Variants in HIGD1B observed in about 807,000 individuals in gnomAD.
HIGD1B encodes HIG1 domain family member 1B.
HIGD1B carries 9 observed loss-of-function variants against 8.8 expected under a neutral mutation model. The ratio of observed to expected loss-of-function variants is 1.02; its 90% CI spans 0.62 to 1.78. The LOEUF is 1.78. Ranked by LOEUF, HIGD1B falls within the 40% of genes most tolerant of loss-of-function variation. The probability of loss-of-function intolerance (pLI) is 0.00; values close to 1 mark genes in which losing one functional copy is unlikely to be tolerated. For synonymous variants in HIGD1B, 47 were observed against 38.8 expected (o/e 1.21, Z -0.78); for missense variants, 126 against 111.8 (o/e 1.13, Z -0.57).
intron 2 of HIGD1B, 127 bp downstream of exon 2, chr17:44,849,515 A>G: frequency 5.4e-6 from 6 of 1,115,262 alleles, no homozygotes; most frequent in Non-Finnish European, 6.3e-6. Context: ...TAATCTCAAC[A>G]CTTTGGGAGG....
Position 44,850,345 on chromosome 17 carries a change from A to C in HIGD1B, c.249A>C (p.Thr83=). The C allele has an allele frequency of 1.2e-6, 2 of 1,612,858 alleles. No homozygotes were observed. Among genetic ancestry groups the C allele is most frequent in the Non-Finnish European group, 8.5e-7 (1 of 1,179,204 alleles). Residue 83 remains threonine, a synonymous_variant, in exon 3 of 3, where the codon ACA becomes ACC. Coordinates refer to ENST00000253410, the MANE Select transcript of HIGD1B (RefSeq NM_016438.4). The part of the protein sequence containing the change: ...VGAIMLGAVY[T]MYSDYVKRMA... ...TCTCTCACACAGGTGCTGTGTACAC[A>C]ATGTACAGCGATTACGTCAAGAGGA... is the stretch of plus-strand genomic sequence containing the variant.
At chr17:44,845,775 T>TAA (rs1250919010), upstream of HIGD1B, among the ~76,000 whole-genome samples, 1 of 151,042 alleles carries the variant, frequency 6.6e-6, no homozygotes, top group Non-Finnish European at 1.5e-5. Context: ...CTACTAAAAA[T>TAA]AAAAAAATTA....
intron 2 of HIGD1B, 36 bp downstream of exon 2, chr17:44,849,424 A>T: frequency 6.2e-7 from 1 of 1,612,434 alleles, no homozygotes. Context: ...ATGAGGGCAA[A>T]ACCGATTATG....
intron 1 of HIGD1B, among the ~76,000 whole-genome samples, 188 bp downstream of exon 1, chr17:44,848,440 G>A (rs1017695341): frequency 2.0e-5 from 3 of 152,232 alleles, no homozygotes; most frequent in Admixed American, 1.3e-4. Context: ...GATGGGTGGA[G>A]GTGGCAGCCA....
rs750977889 is a variant in HIGD1B at position 44,850,319 on chromosome 17, TTC to T, written c.236-8_236-7del. The T allele has an allele frequency of 9.3e-6, 15 of 1,608,970 alleles. No individual in the cohort carries two copies. Among genetic ancestry groups the T allele is most frequent in the Non-Finnish European group, 1.3e-5 (15 of 1,176,994 alleles). ...TTGATGCCAAGGGGCATTATTTCTT[TTC>T]TCTCACACAGGTGCTGTGTACACAA... On this transcript the variant is annotated splice_polypyrimidine_tract_variant and intron_variant, in intron 2 of 2. Coordinates refer to ENST00000253410, the MANE Select transcript of HIGD1B (RefSeq NM_016438.4).
At chr17:44,849,495 T>C (rs997154302) in intron 2 of HIGD1B, 107 bp downstream of exon 2, 52 of 1,313,852 alleles carry the variant, frequency 4.0e-5, no homozygotes, top group African/African-American at 8.7e-5. Flanking sequence ...GGCGCGGTGG[T>C]TCACGCCTGT....
At chr17:44,849,490 G>A (rs937486231) in intron 2 of HIGD1B, 102 bp downstream of exon 2, 7 of 1,377,026 alleles carry the variant, frequency 5.1e-6, no homozygotes, top group Admixed American at 4.0e-5. Context: ...GGCTGGGCGC[G>A]GTGGTTCACG....
chr17:44,850,216 G>A (rs1040992888), intron 2 of HIGD1B, 116 bp from the exon 3 acceptor site: 34 of 712,340 alleles, frequency 4.8e-5, no homozygotes, highest in Non-Finnish European at 7.5e-5. Flanking sequence ...AGAAAGATGA[G>A]CGGGAAGCTG....
chr17:44,850,400 T>C lies in HIGD1B; in HGVS notation c.*4T>C. 6.2e-7 allele frequency: 1 copy of C among 1,610,074 alleles called. No individual in the cohort carries two copies. The highest frequency in any genetic ancestry group is 8.5e-7 in the Non-Finnish European group (1 of 1,177,186). ...ACAGGATGCTGGAGAGAAGTAGGAC[T>C]CCTATAGGAGCCGGGGCTGTCCAAC... On this transcript the variant is annotated 3_prime_UTR_variant, in exon 3 of 3. Coordinates refer to ENST00000253410, the MANE Select transcript of HIGD1B (RefSeq NM_016438.4).
In HIGD1B at chr17:44,848,231, G is replaced by C. The variant is rs778054194; in HGVS notation, c.79G>C (p.Glu27Gln). 4.6e-6 allele frequency: 4 copies of C among 872,800 alleles called. No homozygotes were observed. In the East Asian group the frequency reaches 9.6e-5, roughly 21 times the overall value. The allele number at this position is 872,800 out of a possible 1,614,324, so 54.1% of individuals were successfully genotyped here. A position where few individuals can be genotyped will look rare whatever the true frequency, so the allele number is the denominator to read the frequency against. ...TGAGAAGCTCCTGAGGAAGACTCGG[G>C]AATCTCCACTGGTGCCTATAGGTAA... ...VSEKLLRKTR[E>Q]SPLVPIGLGG... The change falls in exon 1 of 3, where the codon GAA becomes CAA. Residue 27 changes from glutamate to glutamine, a missense_variant. Transcript: ENST00000253410.
intron 2 of HIGD1B, 114 bp from the exon 3 acceptor site, chr17:44,850,218 G>A (rs548785218): frequency 2.9e-4 from 205 of 717,934 alleles, no homozygotes; most frequent in East Asian, 7.5e-4. Flanking sequence ...AAAGATGAGC[G>A]GGAAGCTGGA....
chr17:44,848,354 G>A, intron 1 of HIGD1B, 102 bp downstream of exon 1: 1 of 703,978 alleles, frequency 1.4e-6, no homozygotes, highest in Admixed American at 2.3e-5. Flanking sequence ...AACTCAAGTG[G>A]TCCTACTCAC....
chr17:44,849,756 C>T (rs1156651394), intron 2 of HIGD1B, among the ~76,000 whole-genome samples: 1 of 94,704 alleles, frequency 1.1e-5, no homozygotes, highest in East Asian at 3.1e-4. Flanking sequence ...GAGACTCTGT[C>T]TCAAAAAAAA....
At chr17:44,849,122 A>AC (rs1391335401) in intron 1 of HIGD1B, 132 bp from the exon 2 acceptor site, 1 of 719,832 alleles carries the variant, frequency 1.4e-6, no homozygotes, top group East Asian at 4.0e-5. Flanking sequence ...CGCAACGCCC[A>AC]CCCCCCGCCA....
intron 1 of HIGD1B, 130 bp from the exon 2 acceptor site, chr17:44,849,124 C>G (rs2050374420): frequency 8.9e-7 from 1 of 1,120,600 alleles, no homozygotes; most frequent in African/African-American, 1.6e-5. Context: ...CAACGCCCAC[C>G]CCCCGCCACC....
At chr17:44,848,523 G>A (rs1330430054) in intron 1 of HIGD1B, among the ~76,000 whole-genome samples, 1 of 152,192 alleles carries the variant, frequency 6.6e-6, no homozygotes, top group African/African-American at 2.4e-5. Flanking sequence ...ACACCTTGGG[G>A]TCCCCCAGGG....
chr17:44,848,398 G>A, intron 1 of HIGD1B, 146 bp downstream of exon 1: 1 of 611,964 alleles, frequency 1.6e-6, no homozygotes. Context: ...GGTGCCAAGG[G>A]GCAAACCCTT....
intron 1 of HIGD1B, among the ~76,000 whole-genome samples, chr17:44,848,654 T>A (rs2050360352): frequency 1.9e-5 from 1 of 52,072 alleles, no homozygotes; most frequent in Non-Finnish European, 5.4e-5. Flanking sequence ...GTCGTGGTGA[T>A]CAGCTATTTG....
chr17:44,850,396 G>A lies in HIGD1B; in HGVS notation c.300G>A (p.Ter100=), dbSNP rs575205601. 5.6e-6 allele frequency: 9 copies of A among 1,611,298 alleles called. No homozygotes were observed. Among genetic ancestry groups the A allele is most frequent in the Non-Finnish European group, 7.6e-6 (9 of 1,178,132 alleles). The change falls in exon 3 of 3, where the codon TAG becomes TAA. Residue 100 remains the stop codon, a stop_retained_variant. Transcript: ENST00000253410. ...KRMAQDAGEK[*] is the part of the protein sequence containing the mutation. ...TGGCACAGGATGCTGGAGAGAAGTA[G>A]GACTCCTATAGGAGCCGGGGCTGTC...
Sources: allele counts gnomAD v4.1 joint callset (sites outside exome capture counted in the v4.1 genomes callset), GRCh38; gene constraint gnomAD v4.1.1; transcripts MANE v1.5; gene names NCBI Gene and HGNC (gene_info 2026-07-23, HGNC 2026-07-21).